The following CPSF7 variants were observed in gnomAD, a reference collection of about 807,000 sequenced individuals.
CPSF7 encodes the protein cleavage and polyadenylation specific factor 7, also known as cleavage and polyadenylation specificity factor subunit 7.
A neutral mutation model predicts 44.3 loss-of-function variants in CPSF7; 1 was observed. The observed-to-expected ratio is 0.02, with a 90% CI of 0.01 to 0.11. The LOEUF is 0.11. Among genes scored for constraint, CPSF7 ranks in the 10% least tolerant of loss-of-function variants. The pLI is 1.00. For missense variants in CPSF7, 443 were observed against 607.2 expected, an observed-to-expected ratio of 0.73 and a Z score of 2.84; for synonymous variants, 202 against 222.0, an observed-to-expected ratio of 0.91 and a Z score of 0.80.
intron 9 of CPSF7, chr11:61,406,233 A>G (rs1316333943): frequency 6.6e-6 from 1 of 152,234 alleles, no homozygotes; most frequent in African/African-American, 2.4e-5. Context: ...TGGGCCAATT[A>G]GCCTTCAGGC....
chr11:61,419,930 G>A lies in CPSF7; in HGVS notation c.523+19C>T, dbSNP rs746863950. On this transcript the variant is annotated intron_variant, in intron 5 of 9. Coordinates refer to ENST00000439958, the MANE Select transcript of CPSF7 (RefSeq NM_001142565.3). ...AGATGGTCTCCACGTACCCCCTCTT[G>A]GGACTCGGACACACTCACGTTTCCG... The A allele has an allele frequency of 2.5e-6, 4 of 1,611,006 alleles. No individual in the cohort carries two copies. Among genetic ancestry groups the A allele is most frequent in the Admixed American group, 3.4e-5 (2 of 59,614 alleles).
At chr11:61,406,844 G>A (rs915778170) in intron 9 of CPSF7, among the ~76,000 whole-genome samples, 1 of 152,174 alleles carries the variant, frequency 6.6e-6, no homozygotes, top group Non-Finnish European at 1.5e-5. Context: ...CCGGGCTCAA[G>A]TGATCCTCCC....
At chr11:61,415,993 A>G in intron 6 of CPSF7, 112 bp downstream of exon 6, 1 of 1,073,110 alleles carries the variant, frequency 9.3e-7, no homozygotes, top group East Asian at 2.4e-5. Context: ...ATGATAACAG[A>G]ATGTCTATAA....
At position 61,411,829 on chromosome 11, in the gene CPSF7, T is replaced by C; in HGVS notation, c.1166A>G (p.Asp389Gly). ...CTTGGCTTCGATGCCATGAAGACAG[T>C]CCTTAAGAGAGGAGATGAGGACACG... is the stretch of plus-strand genomic sequence containing the variant. ...RCRVLISSLK[D>G]CLHGIEAKSY... The change falls in exon 8 of 10, where the codon GAC becomes GGC. Residue 389 changes from aspartate to glycine, a missense_variant. Coordinates refer to ENST00000439958, the MANE Select transcript of CPSF7 (RefSeq NM_001142565.3). The C allele has an allele frequency of 6.2e-7, 1 of 1,614,012 alleles. No homozygotes were observed. Among genetic ancestry groups the C allele is most frequent in the Non-Finnish European group, 8.5e-7 (1 of 1,179,994 alleles).
intron 7 of CPSF7, among the ~76,000 whole-genome samples, chr11:61,412,888 G>A (rs1056076054): frequency 6.6e-6 from 1 of 152,210 alleles, no homozygotes; most frequent in African/African-American, 2.4e-5. Context: ...ATTGTCATAT[G>A]CATAGAAAAA....
intron 4 of CPSF7, 105 bp downstream of exon 4, chr11:61,420,365 C>T (rs973433299): frequency 9.7e-6 from 10 of 1,031,152 alleles, no homozygotes; most frequent in Non-Finnish European, 1.5e-5. Context: ...AGGCAGTAAG[C>T]TGGGCCAGGG....
intron 9 of CPSF7, among the ~76,000 whole-genome samples, chr11:61,408,902 G>A (rs1859583857): frequency 1.3e-5 from 2 of 152,134 alleles, no homozygotes; most frequent in African/African-American, 2.4e-5. Context: ...ACAGCCAGTC[G>A]CAGTGGCTTC....
rs1307795273 is a variant in CPSF7, at chr11:61,415,896, G to A, written c.939-112C>T. The A allele has an allele frequency of 8.8e-6, 8 of 906,238 alleles. No homozygotes were observed. The East Asian group carries it at 9.7e-5, about 11-fold the overall frequency. 56.1% of individuals were successfully genotyped at this position (906,238 alleles called of 1,614,324 possible). ...CACAGAACAATGCTAGACATCTGTA[G>A]CATTCATAACACCTGCTCCCGCATT... On this transcript the variant is annotated intron_variant, in intron 6 of 9. Coordinates refer to ENST00000439958, the MANE Select transcript of CPSF7 (RefSeq NM_001142565.3).
At chr11:61,407,693 A>G (rs1554974970) in intron 9 of CPSF7, among the ~76,000 whole-genome samples, 1 of 152,260 alleles carries the variant, frequency 6.6e-6, no homozygotes, top group Non-Finnish European at 1.5e-5. Context: ...GAACAGAGAC[A>G]AAAAATATTA....
intron 2 of CPSF7, among the ~76,000 whole-genome samples, chr11:61,422,258 G>C (rs1423959422): frequency 1.3e-5 from 2 of 151,516 alleles, no homozygotes; most frequent in African/African-American, 4.8e-5. Flanking sequence ...CCCCTACTAA[G>C]TTCTATTTCT....
At chr11:61,419,450 T>TG (rs1860654995) in intron 5 of CPSF7, among the ~76,000 whole-genome samples, 1 of 152,260 alleles carries the variant, frequency 6.6e-6, no homozygotes, top group South Asian at 2.1e-4. Flanking sequence ...ACACTCCTCT[T>TG]GGTTGATTCC....
rs772350013 is a variant in CPSF7 at position 61,421,446 on chromosome 11, T to C, written c.217A>G (p.Thr73Ala). ...PNNKTPAILY[T>A]YSGLRNRRAA... is the part of the protein sequence containing the mutation. The stretch of plus-strand genomic sequence containing the variant: ...CGTCTATTACGCAGGCCACTGTAGG[T>C]ATACAGAATTGCAGGGGTCTTGTTG... Residue 73 changes from threonine (T) to alanine (A), a missense_variant, in exon 3 of 10, where the codon ACC (threonine) becomes GCC (alanine). Thr to Ala is a moderately conservative substitution (Grantham distance 58, BLOSUM62 0). Coordinates refer to ENST00000439958, the MANE Select transcript of CPSF7 (RefSeq NM_001142565.3). 1.2e-6 allele frequency: 2 copies of C among 1,614,150 alleles called. No individual in the cohort carries two copies. Among genetic ancestry groups the C allele is most frequent in the Admixed American group, 1.7e-5 (1 of 60,014 alleles).
intron 7 of CPSF7, among the ~76,000 whole-genome samples, chr11:61,415,301 T>A (rs1355371590): frequency 1.3e-5 from 2 of 151,970 alleles, no homozygotes; most frequent in Non-Finnish European, 2.9e-5. Flanking sequence ...AGACCCAGGG[T>A]CTATATCTGG....
At chr11:61,409,687 G>A (rs1186410185) in intron 9 of CPSF7, among the ~76,000 whole-genome samples, 3 of 150,490 alleles carry the variant, frequency 2.0e-5, no homozygotes, top group Admixed American at 1.3e-4. Flanking sequence ...TAAAGAGATG[G>A]GGTCTCGGCC....
At chr11:61,412,628 T>C (rs1859957802) in intron 7 of CPSF7, among the ~76,000 whole-genome samples, 1 of 152,208 alleles carries the variant, frequency 6.6e-6, no homozygotes, top group Non-Finnish European at 1.5e-5. Flanking sequence ...GGTCTGGCTA[T>C]ATAAAGGAAC....
In CPSF7 at chr11:61,425,586, G is replaced by T. The variant is rs532187637; in HGVS notation, c.54+3596C>A. On this transcript the variant is annotated intron_variant, in intron 2 of 9. Transcript: ENST00000439958. ...AAGATCTTCTCCACTTGTCTGCTCA[G>T]TGTTCCTAACCTCCACCCTCTTCTT... is the stretch of plus-strand genomic sequence containing the variant. 2.6e-5 allele frequency among the ~76,000 whole-genome samples: 4 copies of T among 152,322 alleles called. No individual in the cohort carries two copies. In the South Asian group the frequency reaches 8.3e-4, roughly 32 times the overall value.
chr11:61,417,530 G>A (rs1860452635), intron 5 of CPSF7, among the ~76,000 whole-genome samples: 1 of 152,210 alleles, frequency 6.6e-6, no homozygotes, highest in Admixed American at 6.5e-5. Flanking sequence ...AGCAAGTGTG[G>A]AGGAAAGAGT....
At chr11:61,407,222 T>C (rs75025073) in intron 9 of CPSF7, among the ~76,000 whole-genome samples, 1 of 152,316 alleles carries the variant, frequency 6.6e-6, no homozygotes, top group Non-Finnish European at 1.5e-5. Flanking sequence ...AATGGTGACA[T>C]GCATTTATGT....
chr11:61,428,895 C>T, intron 2 of CPSF7: 1 of 240,014 alleles, frequency 4.2e-6, no homozygotes, highest in Middle Eastern at 1.3e-3. Context: ...GTCTGACACC[C>T]ACCTTTGGCT....
Sources: gnomAD v4.1 joint callset for allele counts (sites outside exome capture counted in the v4.1 genomes callset) on GRCh38, gnomAD v4.1.1 for gene constraint, MANE v1.5 for transcripts, NCBI Gene and HGNC (gene_info 2026-07-23, HGNC 2026-07-21) for gene names.